The following AGT variants were observed in gnomAD, a reference collection of about 807,000 sequenced individuals.
AGT encodes the protein angiotensinogen, also known as alpha-1 antiproteinase, antitrypsin.
AGT carries 26 observed loss-of-function variants against 28.1 expected under a neutral mutation model. The observed-to-expected ratio is 0.92, with a 90% CI of 0.68 to 1.28. AGT has a LOEUF of 1.28. Ranked by LOEUF, AGT falls within the 50% of genes most tolerant of loss-of-function variation. AGT has a pLI of 0.00. For synonymous variants in AGT, 259 were observed against 259.6 expected, an observed-to-expected ratio of 1.00 and a Z score of 0.02; for missense variants, 596 against 592.3, an observed-to-expected ratio of 1.01 and a Z score of -0.06.
At chr1:230,720,594 T>A (rs193240499) in intron 1 of AGT, among the ~76,000 whole-genome samples, 5 of 152,340 alleles carry the variant, frequency 3.3e-5, no homozygotes, top group Non-Finnish European at 7.3e-5. Context: ...TTGGACCAGA[T>A]TGAGAACTTG....
At chr1:230,731,036 G>A (rs1664044023) in intron 1 of AGT, among the ~76,000 whole-genome samples, 1 of 152,162 alleles carries the variant, frequency 6.6e-6, no homozygotes, top group African/African-American at 2.4e-5. Context: ...ACTAATCAAT[G>A]TTATTTCTGG....
intron 1 of AGT, among the ~76,000 whole-genome samples, chr1:230,721,813 C>A (rs1279325938): frequency 6.6e-6 from 1 of 152,156 alleles, no homozygotes; most frequent in Non-Finnish European, 1.5e-5. Flanking sequence ...GAAATAGGAA[C>A]TTATGTTTAA....
chr1:230,713,543 C>A (rs566751532), intron 1 of AGT, among the ~76,000 whole-genome samples: 1 of 152,182 alleles, frequency 6.6e-6, no homozygotes, highest in Non-Finnish European at 1.5e-5. Flanking sequence ...TACCAGAGCC[C>A]CTGAGACAGG....
chr1:230,724,517 A>C (rs1663901872), intron 1 of AGT, among the ~76,000 whole-genome samples: 3 of 152,198 alleles, frequency 2.0e-5, no homozygotes, highest in Admixed American at 1.3e-4. Flanking sequence ...TCACCAATCG[A>C]AAACTGATTA....
intron 2 of AGT, 102 bp from the exon 3 acceptor site, chr1:230,706,302 C>CCT: frequency 7.4e-7 from 1 of 1,352,430 alleles, no homozygotes; most frequent in Non-Finnish European, 1.0e-6. Context: ...CCTCGCCCTG[C>CCT]CTCAGCCTCC....
chr1:230,715,472 C>T (rs1163528902), upstream of AGT, among the ~76,000 whole-genome samples: 1 of 152,132 alleles, frequency 6.6e-6, no homozygotes, highest in Non-Finnish European at 1.5e-5. Flanking sequence ...ATGATTGCAC[C>T]ACTGCACTCG....
chr1:230,722,450 G>A (rs1275768033), intron 1 of AGT, among the ~76,000 whole-genome samples: 1 of 152,228 alleles, frequency 6.6e-6, no homozygotes, highest in East Asian at 1.9e-4. Flanking sequence ...CCATCCTCCA[G>A]ACCCCAGAAT....
intron 1 of AGT, among the ~76,000 whole-genome samples, chr1:230,723,963 G>A (rs921956205): frequency 3.3e-5 from 5 of 152,170 alleles, no homozygotes; most frequent in Non-Finnish European, 5.9e-5. Context: ...GTAGTTCATG[G>A]TCAACCTGGC....
At chr1:230,719,650 G>A (rs570323715) in intron 1 of AGT, among the ~76,000 whole-genome samples, 11 of 152,046 alleles carry the variant, frequency 7.2e-5, no homozygotes, top group Admixed American at 2.6e-4. Context: ...CTCGTGATCC[G>A]CCTGCCTCGG....
intron 1 of AGT, among the ~76,000 whole-genome samples, chr1:230,727,314 A>G (rs1193195512): frequency 3.3e-5 from 5 of 152,232 alleles, no homozygotes; most frequent in Admixed American, 6.5e-5. Context: ...AAGCCAGGGC[A>G]GGGAGATTGT....
At chr1:230,705,265 T>C (rs1663349817) in intron 3 of AGT, among the ~76,000 whole-genome samples, 1 of 151,680 alleles carries the variant, frequency 6.6e-6, no homozygotes, top group African/African-American at 2.4e-5. Flanking sequence ...TACGTATATT[T>C]TACCATCACA....
Position 230,740,976 on chromosome 1 carries a change from C to T in AGT, c.-31+4539G>A, listed in dbSNP as rs554044742. Reference sequence around the variant, plus strand: ...TAGGATTTTTTTGGGCCCTAAACTGCGGAGAGTAAATTCCTATCCTGCTGC... The same window carrying T: ...TAGGATTTTTTTGGGCCCTAAACTGTGGAGAGTAAATTCCTATCCTGCTGC... On this transcript the variant is annotated intron_variant, in intron 1 of 4. Transcript: ENST00000681269. Among the ~76,000 whole-genome samples the T allele has an allele frequency of 1.2e-3, 180 of 152,082 alleles. 1 individual carries two copies. Among genetic ancestry groups the T allele is most frequent in the African/African-American group, 4.2e-3 (173 of 41,510 alleles).
chr1:230,707,375 G>A (rs193178606), intron 2 of AGT, among the ~76,000 whole-genome samples: 14 of 152,314 alleles, frequency 9.2e-5, no homozygotes, highest in Admixed American at 3.9e-4. Flanking sequence ...CCCTGGGCAC[G>A]TGGCACTTGG....
intron 1 of AGT, among the ~76,000 whole-genome samples, chr1:230,725,427 C>T (rs1182107544): frequency 6.6e-6 from 1 of 152,164 alleles, no homozygotes; most frequent in Non-Finnish European, 1.5e-5. Flanking sequence ...GACTTATTTG[C>T]CCTTATACTA....
At chr1:230,713,774 G>T (rs1369939679) in intron 1 of AGT, among the ~76,000 whole-genome samples, 1 of 152,116 alleles carries the variant, frequency 6.6e-6, no homozygotes, top group East Asian at 1.9e-4. Flanking sequence ...AAGAGGACCC[G>T]GTGGACTCTT....
chr1:230,708,169 C>T (rs1663449996), intron 2 of AGT, among the ~76,000 whole-genome samples: 1 of 152,166 alleles, frequency 6.6e-6, no homozygotes, highest in African/African-American at 2.4e-5. Context: ...GGGCAGCATG[C>T]GGTGGAGGCC....
chr1:230,731,129 C>A (rs936664939), intron 1 of AGT, among the ~76,000 whole-genome samples: 1 of 152,170 alleles, frequency 6.6e-6, no homozygotes, highest in African/African-American at 2.4e-5. Context: ...AACCTTGTGA[C>A]GAAAGCCAAA....
upstream of AGT, among the ~76,000 whole-genome samples, chr1:230,719,379 A>AT (rs1260529638): frequency 7.5e-6 from 1 of 133,312 alleles, no homozygotes; most frequent in South Asian, 2.5e-4. Flanking sequence ...ATTTCTTTCT[A>AT]TTTTTTATTA....
intron 2 of AGT, among the ~76,000 whole-genome samples, chr1:230,708,752 C>T (rs559362089): frequency 5.9e-5 from 9 of 152,276 alleles, no homozygotes; most frequent in East Asian, 5.8e-4. Context: ...CACGTGTTCC[C>T]GTGACTGTGT....
Sources: allele counts gnomAD v4.1 joint callset (sites outside exome capture counted in the v4.1 genomes callset), GRCh38; gene constraint gnomAD v4.1.1; transcripts MANE v1.5; gene names NCBI Gene and HGNC (gene_info 2026-07-23, HGNC 2026-07-21).